The following PRKAA2 variants were observed in gnomAD, a reference collection of about 807,000 sequenced individuals.
The protein encoded by PRKAA2 is 5'-AMP-activated protein kinase catalytic subunit alpha-2.
Under a neutral mutation model 56.3 loss-of-function variants are expected in PRKAA2, and 40 were observed. The observed-to-expected ratio is 0.71, with a 90% CI of 0.55 to 0.92. The LOEUF (loss-of-function observed/expected upper bound fraction) is 0.92, where lower values mean the gene tolerates loss of function less well. Ranked by LOEUF, PRKAA2 falls within the 40% of genes least tolerant of loss-of-function variation. PRKAA2 has a pLI of 0.00. For missense variants in PRKAA2, 542 were observed against 686.9 expected (o/e 0.79, Z 2.36); for synonymous variants, 214 against 234.2 (o/e 0.91, Z 0.79).
rs1163120480 is a variant in PRKAA2 at position 56,692,386 on chromosome 1, T to C, written c.359T>C (p.Phe120Ser). 3.7e-6 allele frequency: 6 copies of C among 1,613,974 alleles called. No individual in the cohort carries two copies. Among genetic ancestry groups the C allele is most frequent in the Non-Finnish European group, 3.4e-6 (4 of 1,179,998 alleles). Reference protein sequence around the residue: ...RVEEMEARRLFQQILSAVDYC... With the variant: ...RVEEMEARRLSQQILSAVDYC... ...GAAGAGATGGAAGCCAGGCGGCTCT[T>C]TCAGCAGATTCTGTCTGCTGTGGAT... is the stretch of plus-strand genomic sequence containing the variant. The change falls in exon 4 of 9, where the codon TTT becomes TCT. Residue 120 changes from phenylalanine (F) to serine (S), a missense_variant. By Grantham distance (155) the Phe-to-Ser change is radical (BLOSUM62 -2). This residue lies in a region of PRKAA2 where 121 missense variants were observed against 210.0 expected (regional missense o/e 0.58). Transcript: ENST00000371244.
At chr1:56,677,819 G>A (rs1453388968) in intron 2 of PRKAA2, among the ~76,000 whole-genome samples, 1 of 151,984 alleles carries the variant, frequency 6.6e-6, no homozygotes, top group Non-Finnish European at 1.5e-5. Context: ...ACCACACCCT[G>A]CTAATTTTGT....
At chr1:56,668,993 A>G (rs1232164772) in intron 1 of PRKAA2, among the ~76,000 whole-genome samples, 1 of 152,196 alleles carries the variant, frequency 6.6e-6, no homozygotes, top group Non-Finnish European at 1.5e-5. Flanking sequence ...TAAAAGCTTT[A>G]TACCCTTCAA....
intron 6 of PRKAA2, among the ~76,000 whole-genome samples, chr1:56,702,310 C>T (rs918789509): frequency 1.3e-5 from 2 of 152,034 alleles, no homozygotes; most frequent in Non-Finnish European, 2.9e-5. Context: ...CTCGAACTCC[C>T]GACCTCAGGT....
chr1:56,689,395 C>T (rs1644212302), intron 2 of PRKAA2, among the ~76,000 whole-genome samples: 1 of 152,146 alleles, frequency 6.6e-6, no homozygotes, highest in Non-Finnish European at 1.5e-5. Context: ...TGCCATGTTT[C>T]TTCCCAAAGA....
intron 1 of PRKAA2, among the ~76,000 whole-genome samples, chr1:56,659,873 A>G (rs576154023): frequency 9.2e-4 from 140 of 152,288 alleles, no homozygotes; most frequent in African/African-American, 3.3e-3. Flanking sequence ...GTCCTACTGC[A>G]CTCCAGCTTG....
intron 6 of PRKAA2, among the ~76,000 whole-genome samples, chr1:56,699,492 T>A (rs1164323315): frequency 6.6e-6 from 1 of 152,218 alleles, no homozygotes; most frequent in Non-Finnish European, 1.5e-5. Flanking sequence ...GCTAGAAAGA[T>A]GGCTTTTAAA....
Position 56,686,075 on chromosome 1 carries a change from A to G in PRKAA2, c.237-5319A>G, listed in dbSNP as rs545791300. 7.9e-5 allele frequency among the ~76,000 whole-genome samples: 12 copies of G among 152,322 alleles called. No individual in the cohort carries two copies. In the South Asian group the frequency reaches 2.1e-3, roughly 26 times the overall value. On this transcript the variant is annotated intron_variant, in intron 2 of 8. Transcript: ENST00000371244. ...ATGACTGAAAACATATACTTTTACAAAGTTAATAACCAAGACATTAATTAC... is the reference window on the plus strand; with the variant it reads ...ATGACTGAAAACATATACTTTTACAGAGTTAATAACCAAGACATTAATTAC...
At chr1:56,658,585 CT>C (rs376030597) in intron 1 of PRKAA2, among the ~76,000 whole-genome samples, 10 of 95,854 alleles carry the variant, frequency 1.0e-4, no homozygotes, top group South Asian at 5.1e-4. Context: ...TTTTTTTTTT[CT>C]TCCCCCCCCC....
chr1:56,692,924 C>G (rs1644238405), intron 4 of PRKAA2, among the ~76,000 whole-genome samples: 1 of 151,970 alleles, frequency 6.6e-6, no homozygotes, highest in Admixed American at 6.6e-5. Flanking sequence ...GAAAAAAGCC[C>G]TTCTGAACTG....
intron 4 of PRKAA2, among the ~76,000 whole-genome samples, chr1:56,692,791 G>GTT (rs201416995): frequency 0.087 from 11,817 of 135,378 alleles, 967 homozygotes; most frequent in African/African-American, 0.22. Flanking sequence ...CTGTTTTTTT[G>GTT]TTTTTTTTTT....
intron 1 of PRKAA2, among the ~76,000 whole-genome samples, chr1:56,673,398 G>A (rs12070903): frequency 0.51 from 77,357 of 151,762 alleles, 19,971 homozygotes; most frequent in Middle Eastern, 0.58. Flanking sequence ...AAAAGATAGG[G>A]AAAGTCACTC....
intron 8 of PRKAA2, 70 bp downstream of exon 8, chr1:56,706,288 CA>C: frequency 1.9e-6 from 3 of 1,552,050 alleles, no homozygotes; most frequent in Non-Finnish European, 2.6e-6. Context: ...ATGTTAAAAT[CA>C]TCTCGAAGAC....
At chr1:56,681,096 A>C (rs1225191823) in intron 2 of PRKAA2, among the ~76,000 whole-genome samples, 6 of 152,160 alleles carry the variant, frequency 3.9e-5, no homozygotes, top group African/African-American at 1.2e-4. Flanking sequence ...ATTTGCATTT[A>C]TCAGATGGCC....
At position 56,711,419 on chromosome 1, in the gene PRKAA2, A is replaced by G. The variant is rs1644368192; in HGVS notation, c.*3706A>G. On this transcript the variant is annotated 3_prime_UTR_variant, in exon 9 of 9. Coordinates refer to ENST00000371244, the MANE Select transcript of PRKAA2 (RefSeq NM_006252.4). ...ACCTCACTTTGGATTTATAAAATGT[A>G]AAAACCTGGAACATGCCTGCCACAG... 1 of 152,168 alleles carries G rather than the reference A, an allele frequency of 6.6e-6. No individual in the cohort carries two copies. The highest frequency in any genetic ancestry group is 6.5e-5 in the Admixed American group (1 of 15,272). 9.4% of individuals were successfully genotyped at this position (152,168 alleles called of 1,614,324 possible).
intron 2 of PRKAA2, among the ~76,000 whole-genome samples, chr1:56,690,346 G>A (rs536483671): frequency 1.5e-4 from 23 of 152,130 alleles, no homozygotes; most frequent in African/African-American, 4.8e-4. Context: ...TGTATTTTTA[G>A]TAGAGACGGG....
Position 56,696,370 on chromosome 1 carries a change from C to A in PRKAA2, c.788+211C>A, listed in dbSNP as rs189347951. 3.9e-5 allele frequency among the ~76,000 whole-genome samples: 6 copies of A among 152,174 alleles called. No individual in the cohort carries two copies. The East Asian group carries it at 1.2e-3, about 29-fold the overall frequency. ...TATATTATTCACTTTGCCTTGATGT[C>A]TTTTCTTGTTTCTTTTTTGACCTGA... On this transcript the variant is annotated intron_variant, in intron 6 of 8. Coordinates refer to ENST00000371244, the MANE Select transcript of PRKAA2 (RefSeq NM_006252.4).
chr1:56,703,237 A>AT (rs911073289), intron 6 of PRKAA2, among the ~76,000 whole-genome samples: 32 of 152,166 alleles, frequency 2.1e-4, no homozygotes, highest in Non-Finnish European at 3.7e-4. Context: ...CTCAAGGGGG[A>AT]TTTTTTAAAA....
chr1:56,697,905 TA>T (rs1644269448), intron 6 of PRKAA2, among the ~76,000 whole-genome samples: 1 of 152,016 alleles, frequency 6.6e-6, no homozygotes, highest in Non-Finnish European at 1.5e-5. Flanking sequence ...TAAATATATT[TA>T]CTGGGAAGAG....
intron 2 of PRKAA2, among the ~76,000 whole-genome samples, chr1:56,682,013 T>C (rs1303182683): frequency 2.0e-5 from 3 of 152,218 alleles, no homozygotes; most frequent in African/African-American, 7.2e-5. Context: ...CATTTGTTTG[T>C]GTCCTCTTTT....
Sources: gnomAD v4.1 joint callset for allele counts (sites outside exome capture counted in the v4.1 genomes callset) on GRCh38, gnomAD v4.1.1 for gene constraint, gnomAD v4.1.1 regional missense constraint, MANE v1.5 for transcripts, NCBI Gene and HGNC (gene_info 2026-07-23, HGNC 2026-07-21) for gene names.